Variants in ZNF804B observed in about 807,000 individuals in gnomAD.
ZNF804B encodes zinc finger protein 804B.
Under a neutral mutation model 101.4 loss-of-function variants are expected in ZNF804B, and 80 were observed. The ratio of observed to expected loss-of-function variants is 0.79; its 90% CI spans 0.66 to 0.95. ZNF804B has a LOEUF of 0.95. ZNF804B is among the 40% of genes least tolerant of loss of function. The pLI is 0.00. For synonymous variants in ZNF804B, 622 were observed against 558.8 expected (o/e 1.11, Z -1.59); for missense variants, 1,673 against 1,561.9 (o/e 1.07, Z -1.20).
At chr7:89,041,805 C>G (rs1282146070) in intron 1 of ZNF804B, among the ~76,000 whole-genome samples, 1 of 152,166 alleles carries the variant, frequency 6.6e-6, no homozygotes, top group Non-Finnish European at 1.5e-5. Context: ...TTTCTCATAT[C>G]TGTGCCCCAC....
At chr7:88,960,647 G>A (rs1793375320) in intron 1 of ZNF804B, among the ~76,000 whole-genome samples, 1 of 151,250 alleles carries the variant, frequency 6.6e-6, no homozygotes. Context: ...TATTATCTTT[G>A]TGATTTTTTT....
intron 1 of ZNF804B, among the ~76,000 whole-genome samples, chr7:88,826,421 A>G (rs1472482258): frequency 6.6e-6 from 1 of 152,148 alleles, no homozygotes; most frequent in Non-Finnish European, 1.5e-5. Flanking sequence ...TCCGGTTTGA[A>G]AATGTTATGA....
intron 2 of ZNF804B, among the ~76,000 whole-genome samples, chr7:89,270,913 T>A (rs1314898730): frequency 6.6e-6 from 1 of 152,194 alleles, no homozygotes; most frequent in Admixed American, 6.6e-5. Flanking sequence ...TGTACATTGA[T>A]TTTGTATCCT....
chr7:89,234,660 G>A (rs914774972), intron 2 of ZNF804B, among the ~76,000 whole-genome samples: 3 of 152,004 alleles, frequency 2.0e-5, no homozygotes, highest in South Asian at 2.1e-4. Context: ...CTGTTTCCTC[G>A]TCTCTCCCCA....
chr7:88,820,027 C>G (rs891809980), intron 1 of ZNF804B, among the ~76,000 whole-genome samples: 2 of 152,114 alleles, frequency 1.3e-5, no homozygotes, highest in African/African-American at 4.8e-5. Context: ...GTAATGAAAG[C>G]TCTACTCAAA....
rs801841 is a variant in ZNF804B, at chr7:89,336,565, G to A, written c.3583G>A (p.Val1195Ile). 1,872 of 1,613,972 alleles carry A rather than the reference G, an allele frequency of 1.2e-3. 10 individuals carry two copies. The African/African-American group carries it at 0.015, about 13-fold the overall frequency. Residue 1195 changes from valine (V) to isoleucine (I), a missense_variant, in exon 4 of 4, where the codon GTA becomes ATA. Transcript: ENST00000333190. ...TACTGCCTTCTCTCCGGCCTCAACC[G>A]TACAGACAGTTCCAGTTCACCAGCA... ...GPTAFSPAST[V>I]QTVPVHQHTS... is the part of the protein sequence containing the mutation.
chr7:88,876,516 C>T (rs866205833), intron 1 of ZNF804B, among the ~76,000 whole-genome samples: 4 of 151,994 alleles, frequency 2.6e-5, no homozygotes, highest in African/African-American at 9.7e-5. Flanking sequence ...TTACCAAATC[C>T]TCAACACTTC....
intron 1 of ZNF804B, among the ~76,000 whole-genome samples, chr7:89,143,109 TA>T (rs970928786): frequency 1.4e-4 from 21 of 151,810 alleles, no homozygotes; most frequent in African/African-American, 5.1e-4. Flanking sequence ...TACGGATACA[TA>T]GCTAAAATTA....
intron 2 of ZNF804B, among the ~76,000 whole-genome samples, chr7:89,258,419 T>C (rs1333114990): frequency 6.6e-6 from 1 of 152,178 alleles, no homozygotes; most frequent in East Asian, 1.9e-4. Flanking sequence ...TGTGTAATAA[T>C]AGCATGGCAG....
At chr7:88,949,269 G>A (rs1331656769) in intron 1 of ZNF804B, among the ~76,000 whole-genome samples, 1 of 151,734 alleles carries the variant, frequency 6.6e-6, no homozygotes, top group Non-Finnish European at 1.5e-5. Flanking sequence ...TATTTGCTAT[G>A]GGAGGGCTGC....
chr7:88,920,981 G>A (rs1466962958), intron 1 of ZNF804B, among the ~76,000 whole-genome samples: 2 of 152,006 alleles, frequency 1.3e-5, no homozygotes, highest in Non-Finnish European at 2.9e-5. Flanking sequence ...TGATATCATG[G>A]AAAAGATCTG....
intron 1 of ZNF804B, among the ~76,000 whole-genome samples, chr7:89,132,477 G>A (rs558689803): frequency 6.6e-6 from 1 of 152,074 alleles, no homozygotes; most frequent in South Asian, 2.1e-4. Context: ...AAGCAGCATA[G>A]CACAGTGGCT....
intron 2 of ZNF804B, among the ~76,000 whole-genome samples, chr7:89,318,794 A>G (rs1790769016): frequency 6.6e-6 from 1 of 152,106 alleles, no homozygotes; most frequent in Non-Finnish European, 1.5e-5. Context: ...ACTCTAACCC[A>G]GCGGCGCTAG....
chr7:89,055,498 G>A (rs551976607), intron 1 of ZNF804B, among the ~76,000 whole-genome samples: 1 of 152,170 alleles, frequency 6.6e-6, no homozygotes, highest in East Asian at 1.9e-4. Context: ...CCTAGCGCAA[G>A]AGGAAAAATG....
intron 1 of ZNF804B, among the ~76,000 whole-genome samples, chr7:88,825,146 G>C (rs1370886844): frequency 1.3e-5 from 2 of 152,144 alleles, no homozygotes; most frequent in African/African-American, 4.8e-5. Context: ...AGAAGGAGCT[G>C]AGTGGGATCC....
At chr7:88,820,501 C>T (rs576761007) in intron 1 of ZNF804B, among the ~76,000 whole-genome samples, 6 of 152,226 alleles carry the variant, frequency 3.9e-5, no homozygotes, top group Admixed American at 1.3e-4. Context: ...CTCATAGGAA[C>T]GTTGTCTCTG....
intron 1 of ZNF804B, among the ~76,000 whole-genome samples, chr7:89,213,226 G>A (rs780993725): frequency 6.6e-6 from 1 of 152,158 alleles, no homozygotes; most frequent in Non-Finnish European, 1.5e-5. Flanking sequence ...TGCCAAAAGA[G>A]TGTTCTGACT....
intron 1 of ZNF804B, among the ~76,000 whole-genome samples, chr7:89,211,031 C>A (rs1447792799): frequency 6.6e-6 from 1 of 152,198 alleles, no homozygotes; most frequent in Non-Finnish European, 1.5e-5. Flanking sequence ...TAAGCATCTC[C>A]ATTCTGACTG....
At chr7:89,008,032 C>A (rs1443921081) in intron 1 of ZNF804B, among the ~76,000 whole-genome samples, 1 of 152,022 alleles carries the variant, frequency 6.6e-6, no homozygotes, top group African/African-American at 2.4e-5. Flanking sequence ...TGCAAGTTAA[C>A]TTCTACTTTT....
Sources: gnomAD v4.1 joint callset for allele counts (sites outside exome capture counted in the v4.1 genomes callset) on GRCh38, gnomAD v4.1.1 for gene constraint, MANE v1.5 for transcripts, NCBI Gene and HGNC (gene_info 2026-07-23, HGNC 2026-07-21) for gene names.